LYPLAL1: variants seen among roughly 807,000 people sequenced by gnomAD.
LYPLAL1 encodes lysophospholipase like 1.
Under a neutral mutation model 19.7 loss-of-function variants are expected in LYPLAL1, and 23 were observed. The observed-to-expected ratio is 1.17, with a 90% CI of 0.84 to 1.65. The LOEUF is 1.65. LYPLAL1 is among the 40% of genes most tolerant of loss of function. The probability of loss-of-function intolerance (pLI) is 0.00; values close to 1 mark genes in which losing one functional copy is unlikely to be tolerated. For synonymous variants in LYPLAL1, 119 were observed against 96.3 expected, an observed-to-expected ratio of 1.24 and a Z score of -1.38; for missense variants, 355 against 279.4, an observed-to-expected ratio of 1.27 and a Z score of -1.93.
the LYPLAL1 span, among the ~76,000 whole-genome samples, chr1:219,305,308 T>C: frequency 3.3e-5 from 5 of 152,116 alleles, no homozygotes; most frequent in Admixed American, 1.3e-4. Context: ...ATATACTCCC[T>C]TTCTTTCAGG....
At chr1:219,346,558 C>T in the LYPLAL1 span, among the ~76,000 whole-genome samples, 1 of 150,704 alleles carries the variant, frequency 6.6e-6, no homozygotes, top group Admixed American at 6.6e-5. Flanking sequence ...ATCCATTTGG[C>T]ACACAAACAT....
chr1:219,252,210 T>C, the LYPLAL1 span, among the ~76,000 whole-genome samples: 1 of 152,074 alleles, frequency 6.6e-6, no homozygotes, highest in South Asian at 2.1e-4. Flanking sequence ...CTTCCAGATA[T>C]AGAGTCATAT....
At chr1:219,380,735 T>A in the LYPLAL1 span, among the ~76,000 whole-genome samples, 1 of 152,214 alleles carries the variant, frequency 6.6e-6, no homozygotes. Flanking sequence ...GATACCGTAT[T>A]TGCTATATTT....
At chr1:219,348,831 C>T in the LYPLAL1 span, among the ~76,000 whole-genome samples, 6 of 152,078 alleles carry the variant, frequency 3.9e-5, no homozygotes, top group African/African-American at 1.4e-4. Flanking sequence ...CTTCCTTTGC[C>T]ATCCTGTCTC....
intron 3 of LYPLAL1, among the ~76,000 whole-genome samples, chr1:219,201,381 C>G (rs1279890375): frequency 6.6e-6 from 1 of 151,340 alleles, no homozygotes; most frequent in Non-Finnish European, 1.5e-5. Flanking sequence ...TTCTTTCTAC[C>G]ATATAATGGA....
the LYPLAL1 span, among the ~76,000 whole-genome samples, chr1:219,243,651 G>A: frequency 1.3e-5 from 2 of 152,060 alleles, no homozygotes; most frequent in Non-Finnish European, 2.9e-5. Context: ...CCGGCGCAGT[G>A]GCTCATGCCT....
At chr1:219,303,357 A>G in the LYPLAL1 span, among the ~76,000 whole-genome samples, 2 of 152,352 alleles carry the variant, frequency 1.3e-5, no homozygotes, top group South Asian at 2.1e-4. Context: ...ATGTAGATTA[A>G]TAAATAATTT....
At chr1:219,358,422 T>A in the LYPLAL1 span, among the ~76,000 whole-genome samples, 2 of 152,176 alleles carry the variant, frequency 1.3e-5, no homozygotes, top group African/African-American at 4.8e-5. Context: ...TTAAGTGAAA[T>A]AACAATCATT....
At chr1:219,424,832 C>T in the LYPLAL1 span, among the ~76,000 whole-genome samples, 1 of 152,122 alleles carries the variant, frequency 6.6e-6, no homozygotes, top group Non-Finnish European at 1.5e-5. Context: ...ACCCCTATGG[C>T]AAAGTTACTT....
At chr1:219,432,367 T>C in the LYPLAL1 span, among the ~76,000 whole-genome samples, 28 of 152,290 alleles carry the variant, frequency 1.8e-4, no homozygotes, top group African/African-American at 6.7e-4. Context: ...TCTTGGTACA[T>C]TCCTCCAAAA....
the LYPLAL1 span, among the ~76,000 whole-genome samples, chr1:219,229,720 G>T: frequency 6.6e-6 from 1 of 152,182 alleles, no homozygotes; most frequent in Non-Finnish European, 1.5e-5. Context: ...CCCATAGCCT[G>T]CCCGTCTGAA....
chr1:219,347,897 C>G, the LYPLAL1 span, among the ~76,000 whole-genome samples: 1 of 151,770 alleles, frequency 6.6e-6, no homozygotes, highest in East Asian at 1.9e-4. Flanking sequence ...TGAGCTCCCC[C>G]ACAGGAGCAG....
chr1:219,214,371 A>G (rs1659212123), downstream of LYPLAL1, among the ~76,000 whole-genome samples: 1 of 152,120 alleles, frequency 6.6e-6, no homozygotes, highest in South Asian at 2.1e-4. Context: ...GTATCAGGAC[A>G]GTATTAGCTT....
the LYPLAL1 span, among the ~76,000 whole-genome samples, chr1:219,291,864 G>A: frequency 1.3e-5 from 2 of 149,880 alleles, no homozygotes; most frequent in African/African-American, 4.9e-5. Flanking sequence ...TTCATTGGAA[G>A]CAGGATAAAG....
chr1:219,253,977 A>G, the LYPLAL1 span, among the ~76,000 whole-genome samples: 1 of 152,106 alleles, frequency 6.6e-6, no homozygotes, highest in African/African-American at 2.4e-5. Context: ...GGGTGCATAT[A>G]TAAATTTAGG....
At chr1:219,307,575 C>T in the LYPLAL1 span, among the ~76,000 whole-genome samples, 2 of 152,134 alleles carry the variant, frequency 1.3e-5, no homozygotes, top group Admixed American at 6.5e-5. Flanking sequence ...AAGTTGAGAA[C>T]ATTAGAGGAC....
At chr1:219,219,970 C>G in the LYPLAL1 span, among the ~76,000 whole-genome samples, 1 of 152,046 alleles carries the variant, frequency 6.6e-6, no homozygotes, top group Non-Finnish European at 1.5e-5. Context: ...AAGGAAAGCT[C>G]CAGGGGTTGT....
chr1:219,303,356 A>G, the LYPLAL1 span, among the ~76,000 whole-genome samples: 3 of 152,246 alleles, frequency 2.0e-5, no homozygotes, highest in Non-Finnish European at 4.4e-5. Flanking sequence ...AATGTAGATT[A>G]ATAAATAATT....
the LYPLAL1 span, among the ~76,000 whole-genome samples, chr1:219,288,881 C>T: frequency 6.6e-5 from 10 of 152,150 alleles, no homozygotes; most frequent in African/African-American, 1.2e-4. Flanking sequence ...GGTAGAAGTA[C>T]GCTTTAAAAT....
Sources: allele counts gnomAD v4.1 joint callset (sites outside exome capture counted in the v4.1 genomes callset), GRCh38; gene constraint gnomAD v4.1.1; transcripts MANE v1.5; gene names NCBI Gene and HGNC (gene_info 2026-07-23, HGNC 2026-07-21).